The following PTPRT variants were observed in gnomAD, a reference collection of about 807,000 sequenced individuals.
The protein encoded by PTPRT is receptor-type tyrosine-protein phosphatase T.
PTPRT carries 56 observed loss-of-function variants against 176.8 expected under a neutral mutation model. That is an observed-to-expected ratio of 0.32 (90% CI 0.26 to 0.40). The LOEUF (loss-of-function observed/expected upper bound fraction) is 0.40, where lower values mean the gene tolerates loss of function less well. Ranked by LOEUF, PTPRT falls within the 10% of genes least tolerant of loss-of-function variation. PTPRT has a pLI of 1.00. For synonymous variants in PTPRT, 783 were observed against 739.0 expected (o/e 1.06, Z -0.96); for missense variants, 1,540 against 1,908.2 (o/e 0.81, Z 3.60).
intron 6 of PTPRT, among the ~76,000 whole-genome samples, chr20:42,720,929 C>T (rs113697286): frequency 6.6e-6 from 1 of 152,166 alleles, no homozygotes; most frequent in African/African-American, 2.4e-5. Flanking sequence ...CCTGTGCTTA[C>T]CCTGTCTGCC....
chr20:42,300,795 C>CT (rs2057455934), intron 12 of PTPRT, among the ~76,000 whole-genome samples: 1 of 146,654 alleles, frequency 6.8e-6, no homozygotes, highest in African/African-American at 2.6e-5. Flanking sequence ...TATTATTATA[C>CT]TTTAAGTTTT....
intron 1 of PTPRT, among the ~76,000 whole-genome samples, chr20:43,091,866 C>T (rs1305156986): frequency 6.6e-6 from 1 of 152,212 alleles, no homozygotes; most frequent in Non-Finnish European, 1.5e-5. Flanking sequence ...TCCGCTTCCT[C>T]CACTCACAAG....
chr20:42,785,462 C>T (rs531851027), intron 3 of PTPRT, among the ~76,000 whole-genome samples: 1 of 152,312 alleles, frequency 6.6e-6, no homozygotes, highest in East Asian at 1.9e-4. Flanking sequence ...TTGCTAGTGT[C>T]ATTGGATTTT....
chr20:42,740,256 A>G (rs1238715437), intron 6 of PTPRT, among the ~76,000 whole-genome samples: 2 of 152,174 alleles, frequency 1.3e-5, no homozygotes, highest in Non-Finnish European at 2.9e-5. Context: ...AGAAAATGAC[A>G]AAGGAGACAA....
At chr20:42,058,972 A>G in the PTPRT span, among the ~76,000 whole-genome samples, 1 of 152,176 alleles carries the variant, frequency 6.6e-6, no homozygotes, top group African/African-American at 2.4e-5. Context: ...ACACACTAGA[A>G]TCACCTGGGG....
intron 1 of PTPRT, among the ~76,000 whole-genome samples, chr20:43,064,299 C>T (rs1987593614): frequency 2.0e-5 from 3 of 152,142 alleles, no homozygotes; most frequent in African/African-American, 7.2e-5. Flanking sequence ...TATAGGAAGA[C>T]AGAGCCACAA....
chr20:42,390,963 G>A (rs892216118), intron 9 of PTPRT, among the ~76,000 whole-genome samples: 4 of 152,028 alleles, frequency 2.6e-5, no homozygotes, highest in South Asian at 2.1e-4. Context: ...GGTTTACTCC[G>A]ATGTTATAAC....
intron 1 of PTPRT, among the ~76,000 whole-genome samples, chr20:43,133,575 G>C (rs1011026585): frequency 6.6e-6 from 1 of 151,758 alleles, no homozygotes; most frequent in African/African-American, 2.4e-5. Context: ...GTGAAACCTC[G>C]TCTCTACTAA....
At chr20:42,501,755 T>G (rs988946025) in intron 7 of PTPRT, among the ~76,000 whole-genome samples, 2 of 152,182 alleles carry the variant, frequency 1.3e-5, no homozygotes, top group Non-Finnish European at 1.5e-5. Context: ...TTTTTAAAAG[T>G]GGTTATACCA....
At chr20:42,315,411 TCTTTA>T (rs573373009) in intron 12 of PTPRT, among the ~76,000 whole-genome samples, 5 of 152,228 alleles carry the variant, frequency 3.3e-5, no homozygotes, top group African/African-American at 9.6e-5. Flanking sequence ...AAGCACCATC[TCTTTA>T]CTTTAATACA....
chr20:42,685,436 A>G (rs1361723278), intron 6 of PTPRT: 1 of 152,180 alleles, frequency 6.6e-6, no homozygotes, highest in Non-Finnish European at 1.5e-5. Flanking sequence ...GAGGAGCATG[A>G]TCTTGTGCCA....
chr20:42,264,339 C>G (rs1400082231), intron 13 of PTPRT, among the ~76,000 whole-genome samples: 1 of 152,198 alleles, frequency 6.6e-6, no homozygotes, highest in African/African-American at 2.4e-5. Context: ...AATGGCAGCT[C>G]AAATGATGTA....
chr20:42,644,706 G>C (rs2074847434), intron 7 of PTPRT, among the ~76,000 whole-genome samples: 1 of 152,132 alleles, frequency 6.6e-6, no homozygotes, highest in African/African-American at 2.4e-5. Context: ...GGAGCACTCA[G>C]GGACTTTCTG....
At position 42,081,864 on chromosome 20, in the gene PTPRT, A is replaced by G. The variant is rs780567787; in HGVS notation, c.4272+18T>C. 1.9e-6 allele frequency: 3 copies of G among 1,613,728 alleles called. No homozygotes were observed. The Admixed American group carries it at 5.0e-5, about 27-fold the overall frequency. On this transcript the variant is annotated intron_variant, in intron 30 of 30. Coordinates refer to ENST00000373187, the MANE Select transcript of PTPRT (RefSeq NM_007050.6). Reference sequence around the variant, plus strand: ...TAGTCAGCCCTGGCTGTTGGAGAACAGTCCTTGGGATACTCACCAGGGTCT... The same window carrying G: ...TAGTCAGCCCTGGCTGTTGGAGAACGGTCCTTGGGATACTCACCAGGGTCT...
intron 9 of PTPRT, among the ~76,000 whole-genome samples, chr20:42,361,907 A>G (rs1238312268): frequency 6.6e-6 from 1 of 152,214 alleles, no homozygotes; most frequent in Non-Finnish European, 1.5e-5. Context: ...CTAGAACACC[A>G]TTTGTTCATT....
chr20:42,869,594 T>C (rs1232205846), intron 2 of PTPRT, among the ~76,000 whole-genome samples: 1 of 152,206 alleles, frequency 6.6e-6, no homozygotes, highest in East Asian at 1.9e-4. Flanking sequence ...CAATTTGATT[T>C]CACAGGCACA....
intron 7 of PTPRT, among the ~76,000 whole-genome samples, chr20:42,660,897 G>T (rs1185617949): frequency 2.0e-5 from 3 of 152,140 alleles, no homozygotes; most frequent in Non-Finnish European, 4.4e-5. Flanking sequence ...TGTCGTCCAG[G>T]CTGGAGGGCA....
chr20:42,597,147 T>C (rs2073685289), intron 7 of PTPRT, among the ~76,000 whole-genome samples: 1 of 152,154 alleles, frequency 6.6e-6, no homozygotes, highest in Non-Finnish European at 1.5e-5. Context: ...AAAATTCATT[T>C]CCTTGCAGCT....
intron 13 of PTPRT, among the ~76,000 whole-genome samples, chr20:42,254,575 T>C (rs747530066): frequency 3.3e-5 from 5 of 152,144 alleles, no homozygotes; most frequent in Non-Finnish European, 5.9e-5. Context: ...GTGGAGTAGA[T>C]TTGGTCCCTT....
Sources: allele counts gnomAD v4.1 joint callset (sites outside exome capture counted in the v4.1 genomes callset), GRCh38; gene constraint gnomAD v4.1.1; transcripts MANE v1.5; gene names NCBI Gene and HGNC (gene_info 2026-07-23, HGNC 2026-07-21).